The following LARGE1 variants were observed in gnomAD, a reference collection of about 807,000 sequenced individuals.
The protein encoded by LARGE1 is xylosyl- and glucuronyltransferase LARGE1.
Under a neutral mutation model 87.6 loss-of-function variants are expected in LARGE1, and 43 were observed. The observed-to-expected ratio is 0.49, with a 90% CI of 0.38 to 0.63. The LOEUF is 0.63. Among genes scored for constraint, LARGE1 ranks in the 30% least tolerant of loss-of-function variants. The pLI, the probability that LARGE1 is intolerant of heterozygous loss-of-function variation, is 0.00. For synonymous variants in LARGE1, 434 were observed against 394.6 expected, an observed-to-expected ratio of 1.10 and a Z score of -1.18; for missense variants, 802 against 1,000.2, an observed-to-expected ratio of 0.80 and a Z score of 2.67.
Position 33,462,297 on chromosome 22 carries a change from C to T in LARGE1, c.788-30032G>A, listed in dbSNP as rs73409004. 7.5e-3 allele frequency among the ~76,000 whole-genome samples: 1,145 copies of T among 152,060 alleles called. 8 individuals carry two copies. The highest frequency in any genetic ancestry group is 0.026 in the African/African-American group (1,063 of 41,464). ...AGAATTGTAGATCCAGGAAAAACACCCTTCGGGATGGCAAAATAAAGACAT... is the reference window on the plus strand; with the variant it reads ...AGAATTGTAGATCCAGGAAAAACACTCTTCGGGATGGCAAAATAAAGACAT... On this transcript the variant is annotated intron_variant, in intron 6 of 14. Transcript: ENST00000397394.
At chr22:33,220,559 C>T (rs73397506) in intron 11 of LARGE1, among the ~76,000 whole-genome samples, 3,799 of 152,214 alleles carry the variant, frequency 0.025, 56 homozygotes, top group African/African-American at 0.034. Context: ...AAAGCTTGTA[C>T]GTCAGCTTTT....
intron 4 of LARGE1, among the ~76,000 whole-genome samples, chr22:33,606,835 C>T (rs910086222): frequency 3.9e-5 from 6 of 152,098 alleles, no homozygotes; most frequent in African/African-American, 9.7e-5. Context: ...GCCTTAGGAC[C>T]GCCATCATTT....
intron 6 of LARGE1, among the ~76,000 whole-genome samples, chr22:33,442,523 C>T (rs938158113): frequency 4.6e-5 from 7 of 152,122 alleles, no homozygotes; most frequent in Non-Finnish European, 8.8e-5. Flanking sequence ...GGTCACCTAC[C>T]AGGCATGCTG....
At chr22:33,761,269 C>T (rs1370316312) in intron 2 of LARGE1, 102 bp downstream of exon 2, 4 of 935,534 alleles carry the variant, frequency 4.3e-6, no homozygotes, top group South Asian at 2.6e-5. Context: ...ACTGGAAATA[C>T]ATATTCCTAT....
intron 3 of LARGE1, among the ~76,000 whole-genome samples, chr22:33,650,114 T>C (rs2080747279): frequency 6.6e-6 from 1 of 152,192 alleles, no homozygotes; most frequent in Admixed American, 6.5e-5. Flanking sequence ...GTTCCATCAG[T>C]GAGCTCCTCT....
the LARGE1 span, among the ~76,000 whole-genome samples, chr22:33,126,271 A>G: frequency 6.6e-6 from 1 of 152,164 alleles, no homozygotes; most frequent in Non-Finnish European, 1.5e-5. Flanking sequence ...GTGGAAGGAT[A>G]TATTTCTGAA....
chr22:33,271,372 C>A (rs760780688), downstream of LARGE1, among the ~76,000 whole-genome samples: 11 of 152,190 alleles, frequency 7.2e-5, no homozygotes, highest in Non-Finnish European at 1.3e-4. Context: ...ACACAGAATG[C>A]ATTCAGGTTC....
chr22:33,831,531 C>T lies in LARGE1; in HGVS notation c.-82-69973G>A, dbSNP rs141734336. ...CCTCTTGCCCTAGGACCGATGCCTG[C>T]CCAGGTCCCTAAGTGGCCCCTGGGG... On this transcript the variant is annotated intron_variant, in intron 1 of 14. Coordinates refer to ENST00000397394, the MANE Select transcript of LARGE1 (RefSeq NM_133642.5). 3.4e-3 allele frequency among the ~76,000 whole-genome samples: 523 copies of T among 152,184 alleles called. 3 individuals carry two copies. Among genetic ancestry groups the T allele is most frequent in the South Asian group, 5.4e-3 (26 of 4,816 alleles).
chr22:33,128,170 AT>A, the LARGE1 span, among the ~76,000 whole-genome samples: 1 of 152,196 alleles, frequency 6.6e-6, no homozygotes, highest in Non-Finnish European at 1.5e-5. Flanking sequence ...GCTGGTGGGA[AT>A]GTAAATTAGT....
At chr22:33,074,092 C>A in the LARGE1 span, among the ~76,000 whole-genome samples, 2 of 152,104 alleles carry the variant, frequency 1.3e-5, no homozygotes, top group African/African-American at 4.8e-5. Context: ...AGGAAAGCAG[C>A]GTGACTGGGT....
intron 5 of LARGE1, among the ~76,000 whole-genome samples, chr22:33,602,881 A>G (rs1301752328): frequency 6.6e-6 from 1 of 152,140 alleles, no homozygotes; most frequent in Non-Finnish European, 1.5e-5. Flanking sequence ...ACTCCTACCC[A>G]AAGAAAGGTA....
chr22:33,068,628 G>C, the LARGE1 span, among the ~76,000 whole-genome samples: 1 of 152,178 alleles, frequency 6.6e-6, no homozygotes, highest in Non-Finnish European at 1.5e-5. Flanking sequence ...CTGGGCCACA[G>C]AGCAAGACTG....
chr22:33,771,206 G>T (rs1420577299), intron 1 of LARGE1, among the ~76,000 whole-genome samples: 2 of 146,730 alleles, frequency 1.4e-5, no homozygotes, highest in East Asian at 2.0e-4. Context: ...CTCTTGTTCA[G>T]CGTAGATGCT....
At chr22:33,577,085 G>A (rs552056105) in intron 5 of LARGE1, among the ~76,000 whole-genome samples, 12 of 152,082 alleles carry the variant, frequency 7.9e-5, no homozygotes, top group South Asian at 6.2e-4. Flanking sequence ...GCTATTAAAC[G>A]CAAGTGGAAA....
intron 2 of LARGE1, among the ~76,000 whole-genome samples, chr22:33,658,588 T>C (rs1420124588): frequency 6.6e-6 from 1 of 152,236 alleles, no homozygotes; most frequent in Non-Finnish European, 1.5e-5. Flanking sequence ...GGCTTCCAGC[T>C]TCATCCATGT....
chr22:33,443,034 C>T (rs1051137490), intron 6 of LARGE1, among the ~76,000 whole-genome samples: 9 of 152,190 alleles, frequency 5.9e-5, no homozygotes, highest in Admixed American at 3.9e-4. Context: ...CCTCATGATC[C>T]GCCCTCCTCG....
intron 1 of LARGE1, among the ~76,000 whole-genome samples, chr22:33,762,086 C>T (rs757505042): frequency 4.6e-5 from 7 of 151,672 alleles, no homozygotes; most frequent in East Asian, 1.9e-4. Flanking sequence ...TATGGTGGCA[C>T]GCCTGCAATC....
At chr22:33,263,783 C>T (rs1341064624) in intron 11 of LARGE1, among the ~76,000 whole-genome samples, 1 of 152,228 alleles carries the variant, frequency 6.6e-6, no homozygotes, top group Admixed American at 6.5e-5. Context: ...ATACACTCCC[C>T]ATGGACATGA....
intron 1 of LARGE1, among the ~76,000 whole-genome samples, chr22:33,826,077 G>A (rs1348868238): frequency 5.3e-5 from 8 of 152,038 alleles, no homozygotes; most frequent in Non-Finnish European, 1.0e-4. Flanking sequence ...TTAATATAGT[G>A]GTAAAATTCC....
Sources: allele counts gnomAD v4.1 joint callset (sites outside exome capture counted in the v4.1 genomes callset), GRCh38; gene constraint gnomAD v4.1.1; transcripts MANE v1.5; gene names NCBI Gene and HGNC (gene_info 2026-07-23, HGNC 2026-07-21).